DGKB: variants seen among roughly 807,000 people sequenced by gnomAD.
DGKB encodes the protein 90 kDa diacylglycerol kinase.
Under a neutral mutation model 114.3 loss-of-function variants are expected in DGKB, and 67 were observed. The observed-to-expected ratio is 0.59, with a 90% confidence interval of 0.48 to 0.72. The LOEUF (loss-of-function observed/expected upper bound fraction) is 0.72, where lower values mean the gene tolerates loss of function less well. Ranked by LOEUF, DGKB falls within the 30% of genes least tolerant of loss-of-function variation. The pLI, the probability that DGKB is intolerant of heterozygous loss-of-function variation, is 0.00. For synonymous variants in DGKB, 398 were observed against 323.1 expected (o/e 1.23, Z -2.49); for missense variants, 907 against 975.2 (o/e 0.93, Z 0.93).
chr7:14,408,047 G>A (rs1204053910), intron 21 of DGKB, among the ~76,000 whole-genome samples: 2 of 152,090 alleles, frequency 1.3e-5, no homozygotes, highest in Non-Finnish European at 2.9e-5. Flanking sequence ...CTAGTCATTA[G>A]AAGCTAACTG....
intron 17 of DGKB, among the ~76,000 whole-genome samples, chr7:14,588,194 C>T (rs73289517): frequency 1.4e-3 from 208 of 151,978 alleles, no homozygotes; most frequent in African/African-American, 4.7e-3. Flanking sequence ...TTTTGGTTTC[C>T]ATTATCTATT....
chr7:14,969,520 T>C (rs1172272920), intron 1 of DGKB, among the ~76,000 whole-genome samples: 1 of 152,134 alleles, frequency 6.6e-6, no homozygotes, highest in Non-Finnish European at 1.5e-5. Flanking sequence ...AGGTGAGTGG[T>C]GGGCCAATGA....
At chr7:14,453,565 T>C (rs748523632) in intron 21 of DGKB, among the ~76,000 whole-genome samples, 1 of 152,172 alleles carries the variant, frequency 6.6e-6, no homozygotes, top group Non-Finnish European at 1.5e-5. Context: ...ATCTCCATTG[T>C]ATCGTTCTCT....
At chr7:14,582,978 A>G in intron 18 of DGKB, 74 bp downstream of exon 18, 4 of 944,770 alleles carry the variant, frequency 4.2e-6, no homozygotes, top group Non-Finnish European at 6.9e-6. Context: ...GATACAAGCA[A>G]TAGACACATA....
intron 1 of DGKB, among the ~76,000 whole-genome samples, chr7:14,847,142 T>A (rs1586886211): frequency 1.3e-5 from 2 of 151,840 alleles, no homozygotes; most frequent in African/African-American, 2.4e-5. Flanking sequence ...TACAAAAAAA[T>A]TAACAGAGCG....
intron 8 of DGKB, among the ~76,000 whole-genome samples, chr7:14,696,548 A>AAAAC (rs1823960232): frequency 2.0e-5 from 3 of 150,418 alleles, no homozygotes; most frequent in Admixed American, 2.0e-4. Context: ...CCTGAATGGA[A>AAAAC]AAACAAATCC....
rs35276811 is a variant in DGKB, at chr7:14,258,316, G to C, written c.2123-80165C>G. Among the ~76,000 whole-genome samples, 448 of 152,250 alleles carry C rather than the reference G, an allele frequency of 2.9e-3. 3 individuals carry two copies. The highest frequency in any genetic ancestry group is 0.01 in the African/African-American group (429 of 41,530). ...TAATCATGCTTGGAGAAGGTATTTT[G>C]GATGAGAAGAATATAGATTAGTTTT... is the stretch of plus-strand genomic sequence containing the variant. On this transcript the variant is annotated intron_variant, in intron 23 of 25. Coordinates refer to ENST00000402815, the MANE Select transcript of DGKB (RefSeq NM_001350709.2).
chr7:14,862,187 G>C (rs1406959587), intron 1 of DGKB, among the ~76,000 whole-genome samples: 1 of 151,868 alleles, frequency 6.6e-6, no homozygotes, highest in Admixed American at 6.6e-5. Flanking sequence ...GTATACTCAA[G>C]GCATACAAGG....
intron 20 of DGKB, among the ~76,000 whole-genome samples, chr7:14,505,449 G>A (rs1200353521): frequency 3.4e-5 from 5 of 147,760 alleles, no homozygotes; most frequent in Non-Finnish European, 5.9e-5. Context: ...GTGAGACTCC[G>A]TCTCGAAAAA....
At chr7:14,510,334 G>A (rs904508211) in intron 20 of DGKB, among the ~76,000 whole-genome samples, 1 of 152,106 alleles carries the variant, frequency 6.6e-6, no homozygotes, top group South Asian at 2.1e-4. Flanking sequence ...TTTCGTAATA[G>A]TCTACATCCT....
At chr7:14,511,464 G>C (rs1369678052) in intron 20 of DGKB, among the ~76,000 whole-genome samples, 1 of 152,190 alleles carries the variant, frequency 6.6e-6, no homozygotes, top group East Asian at 1.9e-4. Context: ...GAACTGAAGA[G>C]AGTTAGGGTC....
At chr7:14,595,901 T>C (rs1257943186) in intron 17 of DGKB, among the ~76,000 whole-genome samples, 1 of 152,144 alleles carries the variant, frequency 6.6e-6, no homozygotes, top group Non-Finnish European at 1.5e-5. Flanking sequence ...ATTTTTAGTA[T>C]TATTGTTAAA....
chr7:14,696,637 G>A (rs1823986138), intron 8 of DGKB, among the ~76,000 whole-genome samples: 1 of 151,746 alleles, frequency 6.6e-6, no homozygotes, highest in Admixed American at 6.6e-5. Flanking sequence ...GTGAGTAGGA[G>A]AGGAGAAAGC....
intron 23 of DGKB, among the ~76,000 whole-genome samples, chr7:14,250,652 T>G (rs1022784109): frequency 2.6e-5 from 4 of 152,304 alleles, no homozygotes; most frequent in African/African-American, 9.6e-5. Context: ...ATGTTTCTTG[T>G]GTTCATTTGG....
intron 21 of DGKB, among the ~76,000 whole-genome samples, chr7:14,350,099 C>T (rs1263140543): frequency 2.0e-5 from 3 of 152,078 alleles, no homozygotes; most frequent in Non-Finnish European, 4.4e-5. Context: ...TGCTTGGCTA[C>T]CAGATAGCCA....
At chr7:14,399,126 TTTC>T (rs1563101132) in intron 21 of DGKB, among the ~76,000 whole-genome samples, 5 of 151,550 alleles carry the variant, frequency 3.3e-5, no homozygotes, top group African/African-American at 7.3e-5. Flanking sequence ...CAACGCTCAT[TTTC>T]TGATTGGCAA....
chr7:14,848,828 A>G lies in DGKB; in HGVS notation c.-187-7378T>C, dbSNP rs141955420. Among the ~76,000 whole-genome samples, 346 of 152,168 alleles carry G rather than the reference A, an allele frequency of 2.3e-3. 2 individuals are homozygous for G. The highest frequency in any genetic ancestry group is 7.7e-3 in the African/African-American group (318 of 41,530). Reference sequence around the variant, plus strand: ...TCCATATTTGTTCCAGAGCTCCCCAATGGGCTGGTTGAGAATTTATCAGGT... The same window carrying G: ...TCCATATTTGTTCCAGAGCTCCCCAGTGGGCTGGTTGAGAATTTATCAGGT... On this transcript the variant is annotated intron_variant, in intron 1 of 25. Transcript: ENST00000402815.
At chr7:14,834,664 T>C (rs1940271602) in intron 2 of DGKB, among the ~76,000 whole-genome samples, 1 of 152,146 alleles carries the variant, frequency 6.6e-6, no homozygotes, top group Admixed American at 6.6e-5. Context: ...ATTGGAAATG[T>C]AATATGAGCA....
chr7:14,701,657 A>G, intron 7 of DGKB, 24 bp downstream of exon 7: 2 of 1,571,938 alleles, frequency 1.3e-6, no homozygotes, highest in Non-Finnish European at 1.8e-6. Context: ...AAGTTTTCAC[A>G]GAAACTTTGA....
Sources: gnomAD v4.1 joint callset for allele counts (sites outside exome capture counted in the v4.1 genomes callset) on GRCh38, gnomAD v4.1.1 for gene constraint, MANE v1.5 for transcripts, NCBI Gene and HGNC (gene_info 2026-07-23, HGNC 2026-07-21) for gene names.